LDLRAD2: variants seen among roughly 807,000 people sequenced by gnomAD.
The protein encoded by LDLRAD2 is low density lipoprotein receptor class A domain containing 2.
Under a neutral mutation model 24.9 loss-of-function variants are expected in LDLRAD2, and 25 were observed. That is an observed-to-expected ratio of 1.00 (90% CI 0.73 to 1.40). The LOEUF (loss-of-function observed/expected upper bound fraction) is 1.40, where lower values mean the gene tolerates loss of function less well. LDLRAD2 is among the 40% of genes most tolerant of loss of function. The probability of loss-of-function intolerance (pLI) is 0.00; values close to 1 mark genes in which losing one functional copy is unlikely to be tolerated. For synonymous variants in LDLRAD2, 182 were observed against 166.7 expected, an observed-to-expected ratio of 1.09 and a Z score of -0.71; for missense variants, 391 against 366.2, an observed-to-expected ratio of 1.07 and a Z score of -0.55.
chr1:21,823,491 G>C lies in LDLRAD2; in HGVS notation c.*1276G>C. On this transcript the variant is annotated 3_prime_UTR_variant, in exon 5 of 5. Coordinates refer to ENST00000344642, the MANE Select transcript of LDLRAD2 (RefSeq NM_001013693.3). ...CGTGGCCACGTCAGGGGCTCCGCCT[G>C]CCGGGAGGTGAGAGGACAGGGCCTG... The C allele has an allele frequency of 2.5e-6, 4 of 1,603,992 alleles. No individual in the cohort carries two copies. Among genetic ancestry groups the C allele is most frequent in the Non-Finnish European group, 3.4e-6 (4 of 1,178,632 alleles).
chr1:21,821,246 A>T (rs72662414), intron 3 of LDLRAD2, among the ~76,000 whole-genome samples: 5 of 152,194 alleles, frequency 3.3e-5, no homozygotes, highest in African/African-American at 1.2e-4. Context: ...CTCCACTCAT[A>T]GACCTTAGGC....
rs185588192 is a variant in LDLRAD2 at position 21,815,550 on chromosome 1, T to C, written c.512-393T>C. The stretch of plus-strand genomic sequence containing the variant: ...CCCAGCACTTTGGGAGGCCAAGTCA[T>C]GAGGATCACTTGAGCTCAGGAATTC... On this transcript the variant is annotated intron_variant, in intron 2 of 4. Transcript: ENST00000344642. Among the ~76,000 whole-genome samples the C allele has an allele frequency of 6.2e-3, 944 of 152,268 alleles. 29 individuals carry two copies. The highest frequency in any genetic ancestry group is 0.05 in the Admixed American group (765 of 15,296).
Position 21,814,622 on chromosome 1 carries a change from G to A in LDLRAD2, c.310G>A (p.Ala104Thr). 6.2e-7 allele frequency: 1 copy of A among 1,609,014 alleles called. No homozygotes were observed. The highest frequency in any genetic ancestry group is 8.5e-7 in the Non-Finnish European group (1 of 1,177,926). ...GCTCAACACCTCCTCCCCGGCCCCG[G>A]CCGACCCGTGCGCCCCCGGCTCCTA... ...PALNTSSPAP[A>T]DPCAPGSYLQ... The change falls in exon 2 of 5, where the codon GCC (alanine) becomes ACC (threonine). Residue 104 changes from alanine (A) to threonine (T), a missense_variant. Transcript: ENST00000344642.
At position 21,824,832 on chromosome 1, in the gene LDLRAD2, C is replaced by T; in HGVS notation, c.*2617C>T. 1 of 1,511,462 alleles carries T rather than the reference C, an allele frequency of 6.6e-7. No homozygotes were observed. The highest frequency in any genetic ancestry group is 9.1e-7 in the Non-Finnish European group (1 of 1,103,170). 93.6% of individuals were successfully genotyped at this position (1,511,462 alleles called of 1,614,324 possible). A position where few individuals can be genotyped will look rare whatever the true frequency, so the allele number is the denominator to read the frequency against. ...ACCTGCTGCATCAGGCATCAAAATCCCCCGTCAGTTCCCCTGACCCCCACC... is the reference window on the plus strand; with the variant it reads ...ACCTGCTGCATCAGGCATCAAAATCTCCCGTCAGTTCCCCTGACCCCCACC... On this transcript the variant is annotated 3_prime_UTR_variant, in exon 5 of 5. Transcript: ENST00000344642. This position sits in a 1 kb window ranked among gnomAD's most constrained non-coding sequence, Gnocchi z 5.9.
chr1:21,817,396 G>A (rs1037766359), intron 3 of LDLRAD2, among the ~76,000 whole-genome samples: 1 of 152,138 alleles, frequency 6.6e-6, no homozygotes, highest in Non-Finnish European at 1.5e-5. Flanking sequence ...AGGCTGGAGT[G>A]CAGTGGCGCC....
At chr1:21,818,756 T>C (rs2097946913) in intron 3 of LDLRAD2, among the ~76,000 whole-genome samples, 2 of 152,164 alleles carry the variant, frequency 1.3e-5, no homozygotes, top group South Asian at 4.1e-4. Context: ...GTCACTATCC[T>C]GCTCAAAACC....
rs745421563 is a variant in LDLRAD2 at position 21,823,517 on chromosome 1, T to G, written c.*1302T>G. 7.5e-6 allele frequency: 12 copies of G among 1,608,218 alleles called. No homozygotes were observed. The African/African-American group carries it at 1.6e-4, about 21-fold the overall frequency. ...CCGGGAGGTGAGAGGACAGGGCCTG[T>G]GGGCTCCAGCAGCCCAGGAGGCGAG... On this transcript the variant is annotated 3_prime_UTR_variant, in exon 5 of 5. Coordinates refer to ENST00000344642, the MANE Select transcript of LDLRAD2 (RefSeq NM_001013693.3).
Position 21,824,954 on chromosome 1 carries a change from T to C in LDLRAD2, c.*2739T>C. The C allele has an allele frequency of 1.5e-6, 1 of 665,744 alleles. No individual in the cohort carries two copies. The highest frequency in any genetic ancestry group is 2.7e-5 in the East Asian group (1 of 36,494). 41.2% of individuals were successfully genotyped at this position (665,744 alleles called of 1,614,324 possible). A position where few individuals can be genotyped will look rare whatever the true frequency, so the allele number is the denominator to read the frequency against. On this transcript the variant is annotated 3_prime_UTR_variant, in exon 5 of 5. Transcript: ENST00000344642. The surrounding 1 kb of genome is among the most constrained non-coding windows in gnomAD (Gnocchi z 5.9). ...AATTCAGGGAGCCTATGACCTTGGA[T>C]GGGAAAGCATTACACCTCAATTTCA...
In LDLRAD2 at chr1:21,823,631, C is replaced by T. The variant is rs769986876; in HGVS notation, c.*1416C>T. The T allele has an allele frequency of 1.2e-6, 2 of 1,613,790 alleles. No individual in the cohort carries two copies. Among genetic ancestry groups the T allele is most frequent in the Non-Finnish European group, 1.7e-6 (2 of 1,179,932 alleles). ...CCAGACTTACCGATGTAGACGCTGC[C>T]CTTGGCGTTGACTGCCACGTTGGGA... is the stretch of plus-strand genomic sequence containing the variant. On this transcript the variant is annotated 3_prime_UTR_variant, in exon 5 of 5. Coordinates refer to ENST00000344642, the MANE Select transcript of LDLRAD2 (RefSeq NM_001013693.3).
In LDLRAD2 at chr1:21,821,565, T is replaced by C; in HGVS notation, c.759T>C (p.Ser253=). 6.2e-6 allele frequency: 10 copies of C among 1,613,668 alleles called. No individual in the cohort carries two copies. Among genetic ancestry groups the C allele is most frequent in the Non-Finnish European group, 8.5e-6 (10 of 1,179,900 alleles). Residue 253 remains serine, a synonymous_variant, in exon 4 of 5, where the codon AGT becomes AGC. Transcript: ENST00000344642. Reference sequence around the variant, plus strand: ...CCCTCTGGATTGCAGCTGAGAGGAGTTCCCCAGCAGGCAGGGACCCCACGA... The same window carrying C: ...CCCTCTGGATTGCAGCTGAGAGGAGCTCCCCAGCAGGCAGGGACCCCACGA... The part of the protein sequence containing the change: ...AGSLWIAAER[S]SPAGRDPTRQ...
intron 3 of LDLRAD2, among the ~76,000 whole-genome samples, chr1:21,817,071 C>G (rs886483660): frequency 5.9e-5 from 9 of 152,146 alleles, no homozygotes; most frequent in African/African-American, 1.4e-4. Context: ...TCCAGCTGCC[C>G]AGGCCTCACT....
chr1:21,821,577 C>T lies in LDLRAD2; in HGVS notation c.771C>T (p.Gly257=), dbSNP rs766293109. 1.9e-6 allele frequency: 3 copies of T among 1,614,092 alleles called. No individual in the cohort carries two copies. Among genetic ancestry groups the T allele is most frequent in the Admixed American group, 1.7e-5 (1 of 60,014 alleles). The change falls in exon 4 of 5, where the codon GGC becomes GGT. Residue 257 remains glycine, a synonymous_variant. Transcript: ENST00000344642. ...CAGCTGAGAGGAGTTCCCCAGCAGG[C>T]AGGGACCCCACGAGACAAGACGCAG... is the stretch of plus-strand genomic sequence containing the variant. The part of the protein sequence containing the change: ...WIAAERSSPA[G]RDPTRQDAAL...
chr1:21,821,141 GAGTGGT>G (rs2097951131), intron 3 of LDLRAD2, among the ~76,000 whole-genome samples: 1 of 152,224 alleles, frequency 6.6e-6, no homozygotes. Context: ...AAGTTGCAGT[GAGTGGT>G]GATTGCGCCA....
chr1:21,820,697 G>A (rs141781067), intron 3 of LDLRAD2, among the ~76,000 whole-genome samples: 2 of 152,194 alleles, frequency 1.3e-5, no homozygotes, highest in African/African-American at 2.4e-5. Context: ...ATGTGCTCAT[G>A]GTTGTATCCC....
chr1:21,821,687 C>T (rs1413722315), intron 4 of LDLRAD2, 76 bp downstream of exon 4: 4 of 1,576,124 alleles, frequency 2.5e-6, no homozygotes, highest in South Asian at 1.2e-5. Flanking sequence ...GGCAGAGGAC[C>T]CAGGCCGAGG....
At position 21,824,349 on chromosome 1, in the gene LDLRAD2, C is replaced by A. The variant is rs985795769; in HGVS notation, c.*2134C>A. ...TCTTGAAGCCCGAGGCTGATGAAGT[C>A]CTTGCCTTGGCCGGCCTCTCCCACC... On this transcript the variant is annotated 3_prime_UTR_variant, in exon 5 of 5. Transcript: ENST00000344642. The surrounding 1 kb of genome is among the most constrained non-coding windows in gnomAD (Gnocchi z 5.9). The A allele has an allele frequency of 6.2e-7, 1 of 1,613,770 alleles. No homozygotes were observed. Among genetic ancestry groups the A allele is most frequent in the Non-Finnish European group, 8.5e-7 (1 of 1,180,038 alleles).
Position 21,822,242 on chromosome 1 carries a change from C to A in LDLRAD2, c.*27C>A. On this transcript the variant is annotated 3_prime_UTR_variant, in exon 5 of 5. Coordinates refer to ENST00000344642, the MANE Select transcript of LDLRAD2 (RefSeq NM_001013693.3). The stretch of plus-strand genomic sequence containing the variant: ...GCCCTCATCAAAGACTCAGGAGGCC[C>A]CTGGCGGGGATAGCACCGTTTATTA... The A allele has an allele frequency of 6.2e-7, 1 of 1,607,412 alleles. No individual in the cohort carries two copies. Among genetic ancestry groups the A allele is most frequent in the Non-Finnish European group, 8.5e-7 (1 of 1,173,960 alleles).
chr1:21,822,282 A>C lies in LDLRAD2; in HGVS notation c.*67A>C, dbSNP rs979347046. On this transcript the variant is annotated 3_prime_UTR_variant, in exon 5 of 5. Coordinates refer to ENST00000344642, the MANE Select transcript of LDLRAD2 (RefSeq NM_001013693.3). ...ACCGTTTATTAAGAAAAATCAAGAC[A>C]AAGACCACAGGAGGGTCCCTTCTAG... The C allele has an allele frequency of 1.3e-6, 2 of 1,532,744 alleles. No individual in the cohort carries two copies. The highest frequency in any genetic ancestry group is 2.7e-5 in the African/African-American group (2 of 73,324). The allele number at this position is 1,532,744 out of a possible 1,614,324, so 94.9% of individuals were successfully genotyped here.
In LDLRAD2 at chr1:21,814,665, G is replaced by C. The variant is rs1290839513; in HGVS notation, c.353G>C (p.Gly118Ala). The change falls in exon 2 of 5, where the codon GGC (glycine) becomes GCC (alanine). Residue 118 changes from glycine to alanine, a missense_variant. Coordinates refer to ENST00000344642, the MANE Select transcript of LDLRAD2 (RefSeq NM_001013693.3). ...APGSYLQFYE[G>A]PPGAPRPLGS... is the part of the protein sequence containing the mutation. ...GGCTCCTACCTGCAGTTCTACGAGG[G>C]CCCGCCGGGGGCGCCCCGGCCCCTG... 6.3e-7 allele frequency: 1 copy of C among 1,588,252 alleles called. No individual in the cohort carries two copies.
Sources: gnomAD v4.1 joint callset for allele counts (sites outside exome capture counted in the v4.1 genomes callset) on GRCh38, gnomAD v4.1.1 for gene constraint, Gnocchi (gnomAD v3.1) non-coding constraint, MANE v1.5 for transcripts, NCBI Gene and HGNC (gene_info 2026-07-23, HGNC 2026-07-21) for gene names.